The following MYO7B variants were observed in gnomAD, a reference collection of about 807,000 sequenced individuals.
MYO7B encodes myosin VIIB.
A neutral mutation model predicts 259.7 loss-of-function variants in MYO7B; 212 were observed. The observed-to-expected ratio is 0.82, with a 90% CI of 0.73 to 0.91. MYO7B has a LOEUF of 0.91. MYO7B is among the 40% of genes least tolerant of loss of function. The probability of loss-of-function intolerance (pLI) is 0.00; values close to 1 mark genes in which losing one functional copy is unlikely to be tolerated. For synonymous variants in MYO7B, 1,197 were observed against 1,166.4 expected (o/e 1.03, Z -0.54); for missense variants, 2,732 against 2,813.5 (o/e 0.97, Z 0.66).
intron 19 of MYO7B, among the ~76,000 whole-genome samples, chr2:127,599,292 T>G (rs1333224918): frequency 2.0e-5 from 3 of 151,830 alleles, no homozygotes; most frequent in South Asian, 2.1e-4. Flanking sequence ...GATTTACATG[T>G]TTTTTTTGGA....
In MYO7B at chr2:127,636,119, C is replaced by G; in HGVS notation, c.6007-89C>G. The G allele has an allele frequency of 8.3e-7, 1 of 1,202,316 alleles. No homozygotes were observed. Among genetic ancestry groups the G allele is most frequent in the Non-Finnish European group, 1.2e-6 (1 of 830,540 alleles). 74.5% of individuals were successfully genotyped at this position (1,202,316 alleles called of 1,614,324 possible). On this transcript the variant is annotated intron_variant, in intron 44 of 47. Transcript: ENST00000409816. This position sits in a 1 kb window ranked among gnomAD's most constrained non-coding sequence, Gnocchi z 4.5. ...TTCCTCCCCTCCCCTCCCCACCGTA[C>G]TAGCCCTGGGGTAGGCAGGTGCTGC...
chr2:127,570,074 G>A (rs554335045), intron 6 of MYO7B, among the ~76,000 whole-genome samples, 164 bp downstream of exon 6: 13 of 152,250 alleles, frequency 8.5e-5, no homozygotes, highest in African/African-American at 3.1e-4. Context: ...GGGAAGGGGG[G>A]CCAGGCAGCA....
chr2:127,608,411 G>A (rs1406678469), intron 21 of MYO7B, among the ~76,000 whole-genome samples: 7 of 152,168 alleles, frequency 4.6e-5, no homozygotes, highest in Non-Finnish European at 1.0e-4. Flanking sequence ...GGGTTCCTGG[G>A]GGTCCCTGGA....
In MYO7B at chr2:127,627,212, C is replaced by A. The variant is rs1681181373; in HGVS notation, c.4362C>A (p.Ile1454=). Residue 1454 remains isoleucine, a synonymous_variant, in exon 33 of 48, where the codon ATC becomes ATA. Coordinates refer to ENST00000409816, the MANE Select transcript of MYO7B (RefSeq NM_001393586.1). The surrounding 1 kb of genome is among the most constrained non-coding windows in gnomAD (Gnocchi z 5.6). ...SGPRLPKTQL[I]LAVNWKGLCF... is the part of the protein sequence containing the mutation. ...CCCGCCTGCCCAAGACGCAGCTGAT[C>A]TTGGCTGTTAACTGGAAGGGGCTTT... 6.2e-7 allele frequency: 1 copy of A among 1,610,506 alleles called. No homozygotes were observed.
intron 12 of MYO7B, among the ~76,000 whole-genome samples, chr2:127,582,878 C>A (rs543055268): frequency 6.6e-6 from 1 of 152,338 alleles, no homozygotes; most frequent in Admixed American, 6.5e-5. Flanking sequence ...TCTGACCGGG[C>A]ATCCCAGTGT....
At chr2:127,551,180 A>T (rs911588336) in intron 1 of MYO7B, among the ~76,000 whole-genome samples, 1 of 152,232 alleles carries the variant, frequency 6.6e-6, no homozygotes, top group Non-Finnish European at 1.5e-5. Flanking sequence ...TCTACCAGGC[A>T]TCTCTCCTTG....
chr2:127,536,601 G>A (rs781076500), intron 1 of MYO7B, among the ~76,000 whole-genome samples: 21 of 152,188 alleles, frequency 1.4e-4, no homozygotes, highest in Non-Finnish European at 2.4e-4. Context: ...GAGACACAGA[G>A]ATTGTGAGAG....
At position 127,559,856 on chromosome 2, in the gene MYO7B, G is replaced by C. The variant is rs1677996980; in HGVS notation, c.18+116G>C. The C allele has an allele frequency of 3.2e-6, 4 of 1,240,892 alleles. No homozygotes were observed. Among genetic ancestry groups the C allele is most frequent in the Non-Finnish European group, 4.7e-6 (4 of 843,560 alleles). The allele number at this position is 1,240,892 out of a possible 1,614,324, so 76.9% of individuals were successfully genotyped here. On this transcript the variant is annotated intron_variant, in intron 2 of 47. Transcript: ENST00000409816. The surrounding 1 kb of genome is among the most constrained non-coding windows in gnomAD (Gnocchi z 4.1). ...TGAGACCCTATAGGAAAATACCAGA[G>C]ACAGGGGAGTTTAGGAAACACGACA...
Position 127,605,842 on chromosome 2 carries a change from A to G in MYO7B, c.2340-2A>G. ...TGTGTGTGGCTTGCATTGCCCTTCT[A>G]GGAAGGAGTTCCTGAGGCAGAGGCG... On this transcript the variant is annotated splice_acceptor_variant, in intron 19 of 47. Transcript: ENST00000409816. LOFTEE classifies it high-confidence loss of function. The G allele has an allele frequency of 5.0e-6, 8 of 1,613,254 alleles. No homozygotes were observed. Among genetic ancestry groups the G allele is most frequent in the Non-Finnish European group, 6.8e-6 (8 of 1,179,656 alleles).
intron 3 of MYO7B, among the ~76,000 whole-genome samples, chr2:127,564,765 A>G (rs928823279): frequency 2.0e-5 from 3 of 151,042 alleles, no homozygotes; most frequent in Admixed American, 6.6e-5. Context: ...TTAGCCTCCA[A>G]GGAGAAGTTT....
chr2:127,536,944 G>T (rs1374670068), intron 1 of MYO7B, among the ~76,000 whole-genome samples: 1 of 152,170 alleles, frequency 6.6e-6, no homozygotes, highest in Non-Finnish European at 1.5e-5. Flanking sequence ...CTAGCACGGG[G>T]CTCTGTGGAG....
intron 1 of MYO7B, among the ~76,000 whole-genome samples, chr2:127,556,371 C>T (rs1204327399): frequency 6.6e-6 from 1 of 152,146 alleles, no homozygotes; most frequent in African/African-American, 2.4e-5. Context: ...TTTTAAGTGG[C>T]ACATTTAGGC....
chr2:127,538,230 G>C (rs560267222), intron 1 of MYO7B, among the ~76,000 whole-genome samples: 93 of 152,202 alleles, frequency 6.1e-4, no homozygotes, highest in African/African-American at 2.2e-3. Context: ...AGTAAGGCTT[G>C]GGCACTGTTG....
At chr2:127,593,481 C>T in intron 17 of MYO7B, 65 bp from the exon 18 acceptor site, 2 of 1,484,672 alleles carry the variant, frequency 1.3e-6, no homozygotes, top group Non-Finnish European at 1.9e-6. Flanking sequence ...GAGACACCAC[C>T]CCCAGAGAGC....
At position 127,607,457 on chromosome 2, in the gene MYO7B, G is replaced by C. The variant is rs900765564; in HGVS notation, c.2643+33G>C. 32 of 1,542,914 alleles carry C rather than the reference G, an allele frequency of 2.1e-5. No homozygotes were observed. Among genetic ancestry groups the C allele is most frequent in the Non-Finnish European group, 2.6e-5 (30 of 1,141,946 alleles). On this transcript the variant is annotated intron_variant, in intron 21 of 47. Coordinates refer to ENST00000409816, the MANE Select transcript of MYO7B (RefSeq NM_001393586.1). This position sits in a 1 kb window ranked among gnomAD's most constrained non-coding sequence, Gnocchi z 4.4. ...GTCACCTGGCCTCTTGGGCAGGTGG[G>C]GCTGGCTGGGGCCCCAGTGGGTGAG...
rs1310299307 is a variant in MYO7B at position 127,577,203 on chromosome 2, G to A, written c.849+495G>A. On this transcript the variant is annotated intron_variant, in intron 8 of 47. Transcript: ENST00000409816. The surrounding 1 kb of genome is among the most constrained non-coding windows in gnomAD (Gnocchi z 5.2). ...GCTCCCTGGCCCTCAGGAGAACTGC[G>A]CCTCCTGGTTTATTGACCACAGAGT... 6.6e-6 allele frequency among the ~76,000 whole-genome samples: 1 copy of A among 152,072 alleles called. No individual in the cohort carries two copies. Among genetic ancestry groups the A allele is most frequent in the Non-Finnish European group, 1.5e-5 (1 of 67,994 alleles).
In MYO7B at chr2:127,590,149, G is replaced by C. The variant is rs1239974544; in HGVS notation, c.1912G>C (p.Asp638His). The change falls in exon 16 of 48, where the codon GAC becomes CAC. Residue 638 changes from aspartate (D) to histidine (H), a missense_variant. By Grantham distance (81) the Asp-to-His change is moderately conservative. Coordinates refer to ENST00000409816, the MANE Select transcript of MYO7B (RefSeq NM_001393586.1). The surrounding 1 kb of genome is among the most constrained non-coding windows in gnomAD (Gnocchi z 4.6). The stretch of plus-strand genomic sequence containing the variant: ...AGGAAGCCAGTTCAAACAGTCTCTG[G>C]ACCAGCTGATGAAAATCCTGACCAA... ...TLGSQFKQSL[D>H]QLMKILTNCQ... 3 of 1,610,148 alleles carry C rather than the reference G, an allele frequency of 1.9e-6. No homozygotes were observed. The South Asian group carries it at 3.3e-5, about 18-fold the overall frequency.
At chr2:127,604,016 C>T (rs1218492947) in intron 19 of MYO7B, among the ~76,000 whole-genome samples, 5 of 152,150 alleles carry the variant, frequency 3.3e-5, no homozygotes, top group African/African-American at 1.2e-4. Flanking sequence ...GCCTGTAGTC[C>T]CAGCTACTCG....
rs966454414 is a variant in MYO7B at position 127,613,940 on chromosome 2, C to T, written c.3398+1337C>T. Among the ~76,000 whole-genome samples the T allele has an allele frequency of 3.3e-5, 5 of 152,066 alleles. No individual in the cohort carries two copies. Among genetic ancestry groups the T allele is most frequent in the African/African-American group, 1.2e-4 (5 of 41,394 alleles). On this transcript the variant is annotated intron_variant, in intron 26 of 47. Transcript: ENST00000409816. This position sits in a 1 kb window ranked among gnomAD's most constrained non-coding sequence, Gnocchi z 4.3. ...TCTGATTGTCTTTATTCCAAGATTT[C>T]CCTTCTCACTTTCAAGCTACTGTGG...
Sources: gnomAD v4.1 joint callset for allele counts (sites outside exome capture counted in the v4.1 genomes callset) on GRCh38, gnomAD v4.1.1 for gene constraint, Gnocchi (gnomAD v3.1) non-coding constraint, MANE v1.5 for transcripts, NCBI Gene and HGNC (gene_info 2026-07-23, HGNC 2026-07-21) for gene names.